The following CFAP77 variants were observed in gnomAD, a reference collection of about 807,000 sequenced individuals.
The protein encoded by CFAP77 is cilia and flagella associated protein 77, also known as cilia- and flagella-associated protein 77.
Under a neutral mutation model 31.1 loss-of-function variants are expected in CFAP77, and 25 were observed. The observed-to-expected ratio is 0.80, with a 90% CI of 0.59 to 1.12. The LOEUF is 1.12. Ranked by LOEUF, CFAP77 falls within the 50% of genes most tolerant of loss-of-function variation. The probability of loss-of-function intolerance (pLI) is 0.00; values close to 1 mark genes in which losing one functional copy is unlikely to be tolerated. For missense variants in CFAP77, 377 were observed against 397.3 expected, an observed-to-expected ratio of 0.95 and a Z score of 0.44; for synonymous variants, 151 against 159.9, an observed-to-expected ratio of 0.94 and a Z score of 0.42.
intron 3 of CFAP77, 109 bp from the exon 4 acceptor site, chr9:132,537,492 G>A: frequency 1.4e-6 from 1 of 720,030 alleles, no homozygotes; most frequent in African/African-American, 1.8e-5. Context: ...TGGGAGTGAT[G>A]TACCCCACAG....
chr9:132,559,246 G>A (rs868463698), intron 5 of CFAP77, among the ~76,000 whole-genome samples: 57 of 149,458 alleles, frequency 3.8e-4, no homozygotes, highest in African/African-American at 1.2e-3. Flanking sequence ...TCGGGAGGCC[G>A]AGGCAGAAGA....
chr9:132,410,441 T>C lies in CFAP77; in HGVS notation c.170T>C (p.Met57Thr). Residue 57 changes from methionine (M) to threonine (T), a missense_variant, in exon 1 of 6, where the codon ATG becomes ACG. Transcript: ENST00000393216. ...NERLGVVRDSMFQNPLIVKAE... is the reference protein window; with the variant it reads ...NERLGVVRDSTFQNPLIVKAE... ...CGGCTGGGGGTCGTGCGGGACTCCA[T>C]GTTTCAGAACCCTCTCATCGTCAAG... 1 of 1,592,726 alleles carries C rather than the reference T, an allele frequency of 6.3e-7. No individual in the cohort carries two copies. The highest frequency in any genetic ancestry group is 8.5e-7 in the Non-Finnish European group (1 of 1,171,528).
At chr9:132,531,343 C>T (rs895720091) in intron 3 of CFAP77, among the ~76,000 whole-genome samples, 1 of 152,206 alleles carries the variant, frequency 6.6e-6, no homozygotes, top group Non-Finnish European at 1.5e-5. Flanking sequence ...TGCTGTAAAT[C>T]AGCAAACAAA....
At chr9:132,518,979 G>A (rs76541459) in intron 3 of CFAP77, among the ~76,000 whole-genome samples, 1,615 of 152,288 alleles carry the variant, frequency 0.011, 25 homozygotes, top group African/African-American at 0.037. Flanking sequence ...TTTCTCATCT[G>A]TAAAGTGAGG....
At chr9:132,444,034 G>A (rs1245987411) in intron 1 of CFAP77, among the ~76,000 whole-genome samples, 2 of 152,230 alleles carry the variant, frequency 1.3e-5, no homozygotes, top group Non-Finnish European at 2.9e-5. Flanking sequence ...GGGCCCACAG[G>A]CCAGGCTTCC....
At chr9:132,519,076 G>C (rs1325487477) in intron 3 of CFAP77, among the ~76,000 whole-genome samples, 1 of 151,988 alleles carries the variant, frequency 6.6e-6, no homozygotes, top group Non-Finnish European at 1.5e-5. Flanking sequence ...TATTTCTGCT[G>C]TATGCTCTGT....
chr9:132,484,382 A>T (rs540268854), intron 1 of CFAP77, among the ~76,000 whole-genome samples: 3 of 152,226 alleles, frequency 2.0e-5, no homozygotes, highest in African/African-American at 4.8e-5. Flanking sequence ...CCCAAAAGGA[A>T]GCTCTGTACC....
At chr9:132,531,186 T>C (rs1589910064) in intron 3 of CFAP77, among the ~76,000 whole-genome samples, 2 of 152,224 alleles carry the variant, frequency 1.3e-5, no homozygotes, top group African/African-American at 4.8e-5. Flanking sequence ...CTCTGTCTCC[T>C]TCCCCCCTTC....
intron 1 of CFAP77, among the ~76,000 whole-genome samples, chr9:132,415,697 G>A (rs1402963543): frequency 6.6e-6 from 1 of 152,120 alleles, no homozygotes; most frequent in Admixed American, 6.5e-5. Context: ...AGGCTCAAGC[G>A]TTGCTCACTG....
intron 1 of CFAP77, among the ~76,000 whole-genome samples, chr9:132,410,848 G>A (rs542936085): frequency 6.6e-6 from 1 of 152,334 alleles, no homozygotes; most frequent in African/African-American, 2.4e-5. Context: ...AGTCGTGGCT[G>A]CCAGCCCTCC....
chr9:132,432,839 G>A (rs1055408566), intron 1 of CFAP77, among the ~76,000 whole-genome samples: 4 of 152,036 alleles, frequency 2.6e-5, no homozygotes, highest in South Asian at 4.2e-4. Context: ...TTAGCCTCCC[G>A]AGTAGCTGGG....
Position 132,565,802 on chromosome 9 carries a change from C to A in CFAP77, c.733-6586C>A, listed in dbSNP as rs2119107862. On this transcript the variant is annotated intron_variant, in intron 5 of 5. Transcript: ENST00000393216. This position sits in a 1 kb window ranked among gnomAD's most constrained non-coding sequence, Gnocchi z 4.1. ...GCGCTCTGTCCTTATTTCTGCGATG[C>A]CATTTAGATTTGTGCAATGCTCCCC... 6.6e-6 allele frequency among the ~76,000 whole-genome samples: 1 copy of A among 152,298 alleles called. No individual in the cohort carries two copies. The highest frequency in any genetic ancestry group is 2.1e-4 in the South Asian group (1 of 4,828).
chr9:132,539,109 A>T lies in CFAP77; in HGVS notation c.630+1403A>T, dbSNP rs933068016. Reference sequence around the variant, plus strand: ...CTCGATAAAAAAATAAATAAATAAAAATAAATAAATAAAATAGTACTTCCT... The same window carrying T: ...CTCGATAAAAAAATAAATAAATAAATATAAATAAATAAAATAGTACTTCCT... On this transcript the variant is annotated intron_variant, in intron 4 of 5. Transcript: ENST00000393216. The surrounding 1 kb of genome is among the most constrained non-coding windows in gnomAD (Gnocchi z 4.3). 1.5e-4 allele frequency among the ~76,000 whole-genome samples: 23 copies of T among 152,154 alleles called. No homozygotes were observed. The highest frequency in any genetic ancestry group is 5.3e-4 in the African/African-American group (22 of 41,438).
chr9:132,510,576 G>A (rs943607668), intron 3 of CFAP77, among the ~76,000 whole-genome samples: 21 of 152,194 alleles, frequency 1.4e-4, no homozygotes, highest in South Asian at 2.1e-4. Context: ...AAGGGACCCC[G>A]CAAGCAAAAG....
chr9:132,436,238 G>A (rs959444221), intron 1 of CFAP77, among the ~76,000 whole-genome samples: 2 of 152,136 alleles, frequency 1.3e-5, no homozygotes, highest in Non-Finnish European at 2.9e-5. Flanking sequence ...CCAGTTTCTA[G>A]TGGCTCCAGG....
chr9:132,489,751 C>A (rs1851622560), intron 1 of CFAP77, among the ~76,000 whole-genome samples: 1 of 152,112 alleles, frequency 6.6e-6, no homozygotes, highest in African/African-American at 2.4e-5. Flanking sequence ...CAGTTTGCGA[C>A]CTGTCTAGGA....
At chr9:132,470,654 G>A (rs1328402688) in intron 1 of CFAP77, among the ~76,000 whole-genome samples, 1 of 152,252 alleles carries the variant, frequency 6.6e-6, no homozygotes, top group African/African-American at 2.4e-5. Flanking sequence ...CACAGCAGCA[G>A]GCCCACAGTA....
chr9:132,510,969 T>A (rs754012217), intron 3 of CFAP77, among the ~76,000 whole-genome samples: 1 of 152,028 alleles, frequency 6.6e-6, no homozygotes, highest in African/African-American at 2.4e-5. Flanking sequence ...TACACAGTCA[T>A]GTGGTTGCAA....
intron 3 of CFAP77, chr9:132,513,226 A>G: frequency 1.3e-6 from 2 of 1,535,736 alleles, no homozygotes; most frequent in Non-Finnish European, 1.8e-6. Flanking sequence ...GGAGCAAAAC[A>G]TTTTAACCAA....
Sources: allele counts gnomAD v4.1 joint callset (sites outside exome capture counted in the v4.1 genomes callset), GRCh38; gene constraint gnomAD v4.1.1; non-coding constraint Gnocchi (gnomAD v3.1); transcripts MANE v1.5; gene names NCBI Gene and HGNC (gene_info 2026-07-23, HGNC 2026-07-21).